COL4A3: variants seen among roughly 807,000 people sequenced by gnomAD.
COL4A3 encodes collagen type IV alpha 3 chain.
COL4A3 carries 135 observed loss-of-function variants against 217.4 expected under a neutral mutation model. That is an observed-to-expected ratio of 0.62 (90% CI 0.54 to 0.72). COL4A3 has a LOEUF of 0.72. COL4A3 is among the 30% of genes least tolerant of loss of function. The pLI is 0.00. For synonymous variants in COL4A3, 690 were observed against 736.3 expected, an observed-to-expected ratio of 0.94 and a Z score of 1.02; for missense variants, 1,868 against 2,119.9, an observed-to-expected ratio of 0.88 and a Z score of 2.33.
chr2:227,287,589 A>T (rs1217913163), intron 34 of COL4A3, among the ~76,000 whole-genome samples: 8 of 152,354 alleles, frequency 5.3e-5, no homozygotes, highest in African/African-American at 1.9e-4. Flanking sequence ...ATGACATAAA[A>T]GGAAAAAATG....
chr2:227,201,576 C>A (rs1559817643), intron 1 of COL4A3, among the ~76,000 whole-genome samples: 1 of 152,232 alleles, frequency 6.6e-6, no homozygotes, highest in Non-Finnish European at 1.5e-5. Context: ...TTTCAATAGA[C>A]TGTGAAATCC....
chr2:227,300,012 A>G (rs2073209071), intron 43 of COL4A3, among the ~76,000 whole-genome samples: 1 of 152,170 alleles, frequency 6.6e-6, no homozygotes, highest in Non-Finnish European at 1.5e-5. Context: ...AATAACTGCC[A>G]TTTCTTTCCA....
chr2:227,196,242 A>G (rs188738620), intron 1 of COL4A3, among the ~76,000 whole-genome samples: 2 of 151,974 alleles, frequency 1.3e-5, no homozygotes, highest in African/African-American at 2.4e-5. Flanking sequence ...CCACTCACTC[A>G]CTGACTCACC....
At chr2:227,228,183 T>A (rs4263106) in intron 1 of COL4A3, among the ~76,000 whole-genome samples, 2 of 152,220 alleles carry the variant, frequency 1.3e-5, no homozygotes, top group East Asian at 3.9e-4. Flanking sequence ...TGAGATTTCT[T>A]TGATGTCCAA....
At chr2:227,245,720 G>T in intron 5 of COL4A3, 1 of 576,630 alleles carries the variant, frequency 1.7e-6, no homozygotes, top group Non-Finnish European at 3.1e-6. Context: ...ATGGATAAAA[G>T]GCGTTTGCTT....
At chr2:227,190,890 G>A (rs1247936582) in intron 1 of COL4A3, among the ~76,000 whole-genome samples, 2 of 152,152 alleles carry the variant, frequency 1.3e-5, no homozygotes, top group Non-Finnish European at 2.9e-5. Flanking sequence ...CTGGGTAACA[G>A]TAATATGTCA....
rs757479663 is a variant in COL4A3 at position 227,251,169 on chromosome 2, G to GCCTGTTGGCCCACCTGGT, written c.580_597dup (p.Val194_Pro199dup). The GCCTGTTGGCCCACCTGGT allele has an allele frequency of 1.9e-6, 3 of 1,613,870 alleles. No homozygotes were observed. In the Admixed American group the frequency reaches 5.0e-5, roughly 27 times the overall value. ...TGCCAGGCCCTCCAGGTTTTCCTGGGCCTGTTGGCCCACCTGGTCCTCCGG... is the reference window on the plus strand; with the variant it reads ...TGCCAGGCCCTCCAGGTTTTCCTGGGCCTGTTGGCCCACCTGGTCCTGTTGGCCCACCTGGTCCTCCGG... On this transcript the variant is annotated inframe_insertion, in exon 10 of 52. Transcript: ENST00000396578.
chr2:227,228,895 G>A (rs1387748989), intron 1 of COL4A3, among the ~76,000 whole-genome samples: 1 of 152,158 alleles, frequency 6.6e-6, no homozygotes, highest in Non-Finnish European at 1.5e-5. Flanking sequence ...AATGATCCAT[G>A]TCAAGTCAAT....
chr2:227,172,003 G>T (rs769803528), intron 1 of COL4A3, among the ~76,000 whole-genome samples: 1 of 152,156 alleles, frequency 6.6e-6, no homozygotes, highest in Non-Finnish European at 1.5e-5. Flanking sequence ...TGAGAGGGGA[G>T]CATGCGCAGT....
At chr2:227,193,391 T>G (rs2066316921) in intron 1 of COL4A3, among the ~76,000 whole-genome samples, 2 of 152,176 alleles carry the variant, frequency 1.3e-5, no homozygotes, top group African/African-American at 4.8e-5. Flanking sequence ...GCAGGATGTT[T>G]AAATAAATAT....
In COL4A3 at chr2:227,312,047, A is replaced by G. The variant is rs139638980; in HGVS notation, c.*177A>G. 4,133 of 1,155,346 alleles carry G rather than the reference A, an allele frequency of 3.6e-3. 92 individuals are homozygous for G. In the Admixed American group the frequency reaches 0.055, roughly 15 times the overall value. 71.6% of individuals were successfully genotyped at this position (1,155,346 alleles called of 1,614,324 possible). On this transcript the variant is annotated 3_prime_UTR_variant, in exon 52 of 52. Transcript: ENST00000396578. The stretch of plus-strand genomic sequence containing the variant: ...GCAATTCTTTCAAGTCAGTTCTGTG[A>G]TCTGGGTCTCTAATCTGTGCTGTTT...
chr2:227,206,233 C>A (rs1204463781), intron 1 of COL4A3, among the ~76,000 whole-genome samples: 1 of 152,044 alleles, frequency 6.6e-6, no homozygotes, highest in Non-Finnish European at 1.5e-5. Context: ...GCCACCACAC[C>A]CGGCTAATTT....
Position 227,259,785 on chromosome 2 carries a change from C to A in COL4A3, c.1030-8C>A, listed in dbSNP as rs1251940156. On this transcript the variant is annotated splice_polypyrimidine_tract_variant and splice_region_variant and intron_variant, in intron 18 of 51. Coordinates refer to ENST00000396578, the MANE Select transcript of COL4A3 (RefSeq NM_000091.5). ...CCTTTCTCTGTATTTGTTTCTTTCT[C>A]CTCTAAGACAGAATATTATGACACA... is the stretch of plus-strand genomic sequence containing the variant. 1.8e-5 allele frequency: 29 copies of A among 1,593,744 alleles called. No individual in the cohort carries two copies. Among genetic ancestry groups the A allele is most frequent in the Non-Finnish European group, 2.3e-5 (27 of 1,161,624 alleles).
intron 1 of COL4A3, among the ~76,000 whole-genome samples, chr2:227,232,400 G>T (rs1166997934): frequency 6.6e-6 from 1 of 152,206 alleles, no homozygotes; most frequent in African/African-American, 2.4e-5. Flanking sequence ...TAGTGGGATT[G>T]CTGGATCATA....
chr2:227,292,754 C>T (rs4290647), intron 37 of COL4A3, among the ~76,000 whole-genome samples: 122,917 of 152,176 alleles, frequency 0.81, 50,838 homozygotes, highest in Non-Finnish European at 0.91. Flanking sequence ...CAATTTGTAA[C>T]TATATATTTG....
chr2:227,230,586 T>C (rs1013235629), intron 1 of COL4A3, among the ~76,000 whole-genome samples: 36 of 152,198 alleles, frequency 2.4e-4, no homozygotes, highest in Non-Finnish European at 4.4e-5. Flanking sequence ...ACTATTAAAG[T>C]AACCATAGTG....
intron 1 of COL4A3, among the ~76,000 whole-genome samples, chr2:227,189,732 C>T (rs2066160328): frequency 2.0e-5 from 3 of 152,122 alleles, no homozygotes; most frequent in Non-Finnish European, 2.9e-5. Context: ...TATTTGCTTC[C>T]ATAATTTAAA....
intron 1 of COL4A3, among the ~76,000 whole-genome samples, chr2:227,208,307 G>A (rs2067177749): frequency 6.6e-6 from 1 of 152,150 alleles, no homozygotes; most frequent in Non-Finnish European, 1.5e-5. Flanking sequence ...CAGTTTCAGG[G>A]TCATGCGGCT....
In COL4A3 at chr2:227,273,039, G is replaced by A. The variant is rs2071335952; in HGVS notation, c.1849G>A (p.Gly617Ser). 2.5e-6 allele frequency: 4 copies of A among 1,614,106 alleles called. No individual in the cohort carries two copies. The East Asian group carries it at 6.7e-5, about 27-fold the overall frequency. Residue 617 changes from glycine (G) to serine (S), a missense_variant, in exon 26 of 52, where the codon GGC becomes AGC. By Grantham distance (56) the Gly-to-Ser change is moderately conservative. Around this residue, in one of 2 missense-constraint regions of COL4A3, gnomAD observed 1,503 missense variants for 1,786.1 expected, o/e 0.84. Coordinates refer to ENST00000396578, the MANE Select transcript of COL4A3 (RefSeq NM_000091.5). ...PGPAGPAGPP[G>S]YGPQGEPGLQ... ...ACCTGCAGGACCAGCTGGACCACCT[G>A]GCTACGGACCCCAAGGAGAACCTGG...
Sources: allele counts gnomAD v4.1 joint callset (sites outside exome capture counted in the v4.1 genomes callset), GRCh38; gene constraint gnomAD v4.1.1; regional missense constraint gnomAD v4.1.1; transcripts MANE v1.5; gene names NCBI Gene and HGNC (gene_info 2026-07-23, HGNC 2026-07-21).